RGR: variants seen among roughly 807,000 people sequenced by gnomAD.
RGR encodes the protein RPE-retinal G protein-coupled receptor.
RGR carries 30 observed loss-of-function variants against 28.6 expected under a neutral mutation model. The observed-to-expected ratio is 1.05, with a 90% CI of 0.78 to 1.42. The LOEUF is 1.42. RGR is among the 40% of genes most tolerant of loss of function. RGR has a pLI of 0.00. For missense variants in RGR, 404 were observed against 375.6 expected (o/e 1.08, Z -0.62); for synonymous variants, 180 against 156.4 (o/e 1.15, Z -1.13).
At chr10:84,253,301 C>T (rs1842842583) in intron 4 of RGR, among the ~76,000 whole-genome samples, 1 of 152,126 alleles carries the variant, frequency 6.6e-6, no homozygotes. Flanking sequence ...GTAACAGTCA[C>T]CAAGCCGCAC....
intron 3 of RGR, among the ~76,000 whole-genome samples, chr10:84,251,758 C>T (rs1217388058): frequency 6.6e-6 from 1 of 152,216 alleles, no homozygotes; most frequent in Non-Finnish European, 1.5e-5. Flanking sequence ...GGGCTCCACC[C>T]TTATGGCCTA....
intron 5 of RGR, among the ~76,000 whole-genome samples, chr10:84,257,180 C>T (rs1472983154): frequency 1.3e-5 from 2 of 152,234 alleles, no homozygotes; most frequent in African/African-American, 2.4e-5. Flanking sequence ...TTGTGCGGGG[C>T]TGGAACTTGG....
chr10:84,257,994 C>G lies in RGR; in HGVS notation c.732C>G (p.Pro244=). ...AVIADVTSIS[P]KLQMVPALIA... ...TCGCAGACGTGACTTCCATCTCCCC[C>G]AAACTGCAGATGGTACAGATACTTC... is the stretch of plus-strand genomic sequence containing the variant. Residue 244 remains proline, a synonymous_variant, in exon 6 of 7, where the codon CCC becomes CCG. Transcript: ENST00000652092. 1 of 1,613,968 alleles carries G rather than the reference C, an allele frequency of 6.2e-7. No individual in the cohort carries two copies. The highest frequency in any genetic ancestry group is 8.5e-7 in the Non-Finnish European group (1 of 1,179,834).
At chr10:84,253,117 G>A (rs1214782312) in intron 4 of RGR, 107 bp downstream of exon 4, 43 of 1,279,682 alleles carry the variant, frequency 3.4e-5, no homozygotes, top group Non-Finnish European at 4.2e-5. Context: ...AAATGTCAAC[G>A]TTTGCCAGAC....
chr10:84,247,498 G>C, intron 1 of RGR, 93 bp from the exon 2 acceptor site: 1 of 1,388,976 alleles, frequency 7.2e-7, no homozygotes, highest in Non-Finnish European at 1.0e-6. Context: ...GTCTGTCCAG[G>C]AGGTTGCTGA....
At chr10:84,254,218 T>A in intron 4 of RGR, 108 bp from the exon 5 acceptor site, 1 of 949,872 alleles carries the variant, frequency 1.1e-6, no homozygotes. Context: ...CTTGTCTGAA[T>A]GGGGCATTTC....
chr10:84,249,799 C>G lies in RGR; in HGVS notation c.358+756C>G, dbSNP rs537586056. ...GAGGCTTCATGAAAACTGTCCAGCT[C>G]TAGATTTCACAAGCTGCACTGTCAA... On this transcript the variant is annotated intron_variant, in intron 3 of 6. Coordinates refer to ENST00000652092, the MANE Select transcript of RGR (RefSeq NM_001012720.2). Among the ~76,000 whole-genome samples the G allele has an allele frequency of 3.3e-5, 5 of 152,312 alleles. No homozygotes were observed. In the South Asian group the frequency reaches 1.0e-3, roughly 32 times the overall value.
Position 84,247,600 on chromosome 10 carries a change from G to T in RGR, c.89G>T (p.Gly30Val). Reference protein sequence around the residue: ...GMVLLVEALSGLSLNTLTIFS... With the variant: ...GMVLLVEALSVLSLNTLTIFS... ...CCACCCTTCCTTTCAGCTCTCTCCG[G>T]TCTCAGCCTCAATACCCTGACCATC... The change falls in exon 2 of 7, where the codon GGT becomes GTT. Residue 30 changes from glycine (G) to valine (V), a missense_variant. Coordinates refer to ENST00000652092, the MANE Select transcript of RGR (RefSeq NM_001012720.2). The T allele has an allele frequency of 6.2e-7, 1 of 1,614,048 alleles. No homozygotes were observed. The highest frequency in any genetic ancestry group is 8.5e-7 in the Non-Finnish European group (1 of 1,180,018).
intron 4 of RGR, among the ~76,000 whole-genome samples, chr10:84,253,321 G>T (rs1434734518): frequency 6.6e-6 from 1 of 152,168 alleles, no homozygotes; most frequent in Non-Finnish European, 1.5e-5. Flanking sequence ...CCACCTCTTA[G>T]CCATCTTCAG....
rs376856048 is a variant in RGR at position 84,245,169 on chromosome 10, G to A, written c.79G>A (p.Ala27Thr). Residue 27 changes from alanine (A) to threonine (T), a missense_variant and splice_region_variant, in exon 1 of 7, where the codon GCT becomes ACT. Coordinates refer to ENST00000652092, the MANE Select transcript of RGR (RefSeq NM_001012720.2). Reference protein sequence around the residue: ...LAVGMVLLVEALSGLSLNTLT... With the variant: ...LAVGMVLLVETLSGLSLNTLT... ...TGTGGGGATGGTGCTACTGGTGGAA[G>A]GTGAGCCAGGCAGAACCTGGGGTGC... The A allele has an allele frequency of 2.5e-6, 4 of 1,612,484 alleles. No homozygotes were observed. Among genetic ancestry groups the A allele is most frequent in the Non-Finnish European group, 3.4e-6 (4 of 1,179,474 alleles).
intron 5 of RGR, among the ~76,000 whole-genome samples, chr10:84,255,795 G>T (rs1416179895): frequency 2.1e-5 from 3 of 144,944 alleles, no homozygotes; most frequent in African/African-American, 5.1e-5. Flanking sequence ...TGTGATGTCG[G>T]CTCACCGCAA....
In RGR at chr10:84,258,914, C is replaced by G; in HGVS notation, c.*275C>G. The G allele has an allele frequency of 2.3e-6, 1 of 441,832 alleles. No individual in the cohort carries two copies. Among genetic ancestry groups the G allele is most frequent in the Non-Finnish European group, 4.2e-6 (1 of 237,198 alleles). 27.4% of individuals were successfully genotyped at this position (441,832 alleles called of 1,614,324 possible). The stretch of plus-strand genomic sequence containing the variant: ...ATAATAAATGTAAGGGGGTACAGTG[C>G]AGTTTTGTTACATGGATAGATTGCC... On this transcript the variant is annotated 3_prime_UTR_variant, in exon 7 of 7. Coordinates refer to ENST00000652092, the MANE Select transcript of RGR (RefSeq NM_001012720.2).
In RGR at chr10:84,250,414, T is replaced by TTGAGTGGC. The variant is rs1050592693; in HGVS notation, c.358+1372_358+1379dup. ...AAATGCTGCCATCGGTCTCATCATT[T>TTGAGTGGC]TGAGTGGCGATAGGTTAGCCCTCTT... On this transcript the variant is annotated intron_variant, in intron 3 of 6. Transcript: ENST00000652092. 8 of 717,398 alleles carry TTGAGTGGC rather than the reference T, an allele frequency of 1.1e-5. 1 individual carries two copies. The highest frequency in any genetic ancestry group is 8.0e-5 in the Admixed American group (4 of 49,990). 44.4% of individuals were successfully genotyped at this position (717,398 alleles called of 1,614,324 possible). A position where few individuals can be genotyped will look rare whatever the true frequency, so the allele number is the denominator to read the frequency against.
At chr10:84,258,435 G>T (rs1842914398) in intron 6 of RGR, 73 bp from the exon 7 acceptor site, 2 of 1,603,180 alleles carry the variant, frequency 1.2e-6, no homozygotes, top group South Asian at 2.2e-5. Context: ...AGGGTGACCG[G>T]GGTCACCAGG....
chr10:84,253,630 C>T (rs1253689887), intron 4 of RGR, among the ~76,000 whole-genome samples: 1 of 152,170 alleles, frequency 6.6e-6, no homozygotes, highest in Non-Finnish European at 1.5e-5. Flanking sequence ...TCCACCAGAG[C>T]CAAGTTGCAT....
At chr10:84,247,864 A>AG (rs1842767479) in intron 2 of RGR, 117 bp downstream of exon 2, 1 of 1,460,304 alleles carries the variant, frequency 6.8e-7, no homozygotes, top group Non-Finnish European at 9.5e-7. Context: ...GGCCAAGGGC[A>AG]GAGGGTGGGC....
intron 1 of RGR, among the ~76,000 whole-genome samples, chr10:84,245,739 C>T (rs953212327): frequency 6.6e-6 from 1 of 152,188 alleles, no homozygotes; most frequent in African/African-American, 2.4e-5. Flanking sequence ...CTCTCCAGCC[C>T]CACCACTATT....
At chr10:84,253,324 A>G (rs764526638) in intron 4 of RGR, among the ~76,000 whole-genome samples, 9 of 152,160 alleles carry the variant, frequency 5.9e-5, no homozygotes, top group East Asian at 3.9e-4. Flanking sequence ...CCTCTTAGCC[A>G]TCTTCAGCAC....
chr10:84,248,674 C>T (rs999683994), intron 2 of RGR: 12 of 606,742 alleles, frequency 2.0e-5, no homozygotes, highest in Non-Finnish European at 3.2e-5. Context: ...GATCTGATCA[C>T]GCAGAGAGAG....
Sources: allele counts gnomAD v4.1 joint callset (sites outside exome capture counted in the v4.1 genomes callset), GRCh38; gene constraint gnomAD v4.1.1; transcripts MANE v1.5; gene names NCBI Gene and HGNC (gene_info 2026-07-23, HGNC 2026-07-21).